The following SATB2 variants were observed in gnomAD, a reference collection of about 807,000 sequenced individuals.
The protein encoded by SATB2 is SATB homeobox 2.
SATB2 carries 1 observed loss-of-function variant against 73.4 expected under a neutral mutation model. The observed-to-expected ratio is 0.01, with a 90% CI of 0.00 to 0.06. The LOEUF is 0.06. Among genes scored for constraint, SATB2 ranks in the 10% least tolerant of loss-of-function variants. The pLI is 1.00. For missense variants in SATB2, 459 were observed against 945.8 expected (o/e 0.49, Z 6.75); for synonymous variants, 397 against 367.0 (o/e 1.08, Z -0.93).
At chr2:199,349,222 T>C in intron 6 of SATB2, 49 bp from the exon 7 acceptor site, 1 of 1,365,200 alleles carries the variant, frequency 7.3e-7, no homozygotes. Flanking sequence ...ATTGGTACAA[T>C]TTATTGCTAA....
intron 10 of SATB2, among the ~76,000 whole-genome samples, chr2:199,283,353 G>T (rs1170145149): frequency 6.7e-6 from 1 of 150,170 alleles, no homozygotes; most frequent in Admixed American, 6.7e-5. Context: ...GCCTCCCAAA[G>T]TGCTGGGATT....
intron 6 of SATB2, among the ~76,000 whole-genome samples, chr2:199,367,109 C>T (rs772499010): frequency 6.6e-6 from 1 of 151,948 alleles, no homozygotes; most frequent in Non-Finnish European, 1.5e-5. Context: ...GATTTTCAGC[C>T]GAAGAGGATA....
chr2:199,279,635 T>A (rs1221774571), intron 10 of SATB2, among the ~76,000 whole-genome samples: 1 of 152,214 alleles, frequency 6.6e-6, no homozygotes, highest in Non-Finnish European at 1.5e-5. Context: ...TCTGTCTCTC[T>A]ATGACAAGCC....
chr2:199,399,950 A>G (rs1690421721), intron 3 of SATB2, among the ~76,000 whole-genome samples: 1 of 152,212 alleles, frequency 6.6e-6, no homozygotes, highest in African/African-American at 2.4e-5. Context: ...AGGTTAGAAT[A>G]GATGACTTGC....
rs566342957 is a variant in SATB2, at chr2:199,342,833, A to G, written c.1173+5868T>C. On this transcript the variant is annotated intron_variant, in intron 7 of 10. Coordinates refer to ENST00000417098, the MANE Select transcript of SATB2 (RefSeq NM_001172509.2). ...CAAATACATTTTATATTCTTAAAAGACATATTTATTAAAATAAAAATAAAC... is the reference window on the plus strand; with the variant it reads ...CAAATACATTTTATATTCTTAAAAGGCATATTTATTAAAATAAAAATAAAC... Among the ~76,000 whole-genome samples the G allele has an allele frequency of 3.3e-5, 5 of 152,332 alleles. No homozygotes were observed. The East Asian group carries it at 9.6e-4, about 29-fold the overall frequency.
At chr2:199,433,301 C>T (rs1475180162) in intron 3 of SATB2, 37 bp downstream of exon 3, 2 of 1,595,432 alleles carry the variant, frequency 1.3e-6, no homozygotes, top group Admixed American at 1.7e-5. Flanking sequence ...TTATGACACA[C>T]AAGAGACTTG....
chr2:199,466,799 T>C (rs926567063), upstream of SATB2, among the ~76,000 whole-genome samples: 5 of 152,258 alleles, frequency 3.3e-5, no homozygotes, highest in African/African-American at 1.2e-4. Context: ...TTTTATTCTT[T>C]TTCTGTCTGT....
At chr2:199,371,943 T>C (rs998894912) in intron 5 of SATB2, among the ~76,000 whole-genome samples, 1 of 152,052 alleles carries the variant, frequency 6.6e-6, no homozygotes, top group Non-Finnish European at 1.5e-5. Context: ...TGCATGGTGG[T>C]GGGCTGTGAA....
intron 9 of SATB2, among the ~76,000 whole-genome samples, chr2:199,321,265 C>T (rs1373789270): frequency 6.6e-6 from 1 of 151,028 alleles, no homozygotes; most frequent in African/African-American, 2.4e-5. Flanking sequence ...TATATATATC[C>T]ATAAGGTGTA....
In SATB2 at chr2:199,308,563, CGCACGCACATGCACACACACACACAT is replaced by C. The variant is rs1687501855; in HGVS notation, c.1740+171_1740+196del. ...TTGTGTGTGCATACACACACACACA[CGCACGCACATGCACACACACACACAT>C]ACACATACACACAGTACCCACTGTG... On this transcript the variant is annotated intron_variant, in intron 10 of 10. Coordinates refer to ENST00000417098, the MANE Select transcript of SATB2 (RefSeq NM_001172509.2). This position sits in a 1 kb window ranked among gnomAD's most constrained non-coding sequence, Gnocchi z 4.6. Among the ~76,000 whole-genome samples the C allele has an allele frequency of 6.6e-6, 1 of 151,392 alleles. No homozygotes were observed. Among genetic ancestry groups the C allele is most frequent in the Admixed American group, 6.6e-5 (1 of 15,258 alleles).
At chr2:199,298,611 C>T (rs140583112) in intron 10 of SATB2, among the ~76,000 whole-genome samples, 1 of 152,256 alleles carries the variant, frequency 6.6e-6, no homozygotes, top group East Asian at 1.9e-4. Context: ...AGCAGGTAGG[C>T]TTGTATTCTC....
chr2:199,376,236 T>C (rs1032849997), intron 5 of SATB2, among the ~76,000 whole-genome samples: 6 of 152,340 alleles, frequency 3.9e-5, no homozygotes, highest in African/African-American at 1.2e-4. Context: ...TGAGCCCCTG[T>C]TTAACCGAAA....
rs373031055 is a variant in SATB2 at position 199,323,938 on chromosome 2, T to C, written c.1407A>G (p.Thr469=). Residue 469 remains threonine (T), a synonymous_variant, in exon 9 of 11, where the codon ACA becomes ACG. Transcript: ENST00000417098. The part of the protein sequence containing the change: ...RTPQAKTSTP[T]TDLPIKVDGA... ...CGTCCACCTTAATAGGGAGGTCTGT[T>C]GTCGGTGTCGAGGTTTTGGCCTACC... is the stretch of plus-strand genomic sequence containing the variant. The C allele has an allele frequency of 9.9e-6, 16 of 1,613,366 alleles. No homozygotes were observed. Among genetic ancestry groups the C allele is most frequent in the Admixed American group, 1.7e-5 (1 of 59,960 alleles).
chr2:199,282,265 T>C (rs1325348605), intron 10 of SATB2, among the ~76,000 whole-genome samples: 1 of 152,142 alleles, frequency 6.6e-6, no homozygotes, highest in Non-Finnish European at 1.5e-5. Context: ...TTATTCCTTT[T>C]TAGCAAAAGA....
At position 199,374,543 on chromosome 2, in the gene SATB2, C is replaced by T. The variant is rs1444075365; in HGVS notation, c.597+5821G>A. ...TGCTACTCAGTTGTAAGCTTAAAAA[C>T]GTTTAGAATGGCAAACTTCATGTTA... On this transcript the variant is annotated intron_variant, in intron 5 of 10. Coordinates refer to ENST00000417098, the MANE Select transcript of SATB2 (RefSeq NM_001172509.2). Among the ~76,000 whole-genome samples the T allele has an allele frequency of 4.6e-5, 7 of 152,240 alleles. No individual in the cohort carries two copies. The South Asian group carries it at 1.0e-3, about 23-fold the overall frequency.
chr2:199,278,292 G>GT (rs1692379183), intron 10 of SATB2, among the ~76,000 whole-genome samples: 1 of 152,162 alleles, frequency 6.6e-6, no homozygotes, highest in Non-Finnish European at 1.5e-5. Flanking sequence ...AAGTCAGCAC[G>GT]TTAGAGCTGT....
chr2:199,347,975 C>G (rs1688704683), intron 7 of SATB2: 1 of 152,214 alleles, frequency 6.6e-6, no homozygotes, highest in African/African-American at 2.4e-5. Context: ...TGAGGCCCAG[C>G]AGTCTGTGTT....
chr2:199,329,919 C>G (rs971646798), intron 7 of SATB2, among the ~76,000 whole-genome samples: 2 of 152,106 alleles, frequency 1.3e-5, no homozygotes, highest in Non-Finnish European at 2.9e-5. Flanking sequence ...ACTTTATATT[C>G]CCAGCTAATA....
intron 3 of SATB2, among the ~76,000 whole-genome samples, chr2:199,388,518 G>A (rs974264977): frequency 3.3e-5 from 5 of 152,112 alleles, no homozygotes; most frequent in African/African-American, 1.2e-4. Flanking sequence ...TGGGTATACT[G>A]CACAATAAAG....
Sources: allele counts gnomAD v4.1 joint callset (sites outside exome capture counted in the v4.1 genomes callset), GRCh38; gene constraint gnomAD v4.1.1; non-coding constraint Gnocchi (gnomAD v3.1); transcripts MANE v1.5; gene names NCBI Gene and HGNC (gene_info 2026-07-23, HGNC 2026-07-21).